TMEM117: variants seen among roughly 807,000 people sequenced by gnomAD.
The protein encoded by TMEM117 is transmembrane protein 117.
Under a neutral mutation model 52.4 loss-of-function variants are expected in TMEM117, and 27 were observed. The ratio of observed to expected loss-of-function variants is 0.51; its 90% confidence interval spans 0.38 to 0.71. The LOEUF (loss-of-function observed/expected upper bound fraction) is 0.71. TMEM117 is among the 30% of genes least tolerant of loss of function. The pLI, the probability that TMEM117 is intolerant of heterozygous loss-of-function variation, is 0.00. For synonymous variants in TMEM117, 215 were observed against 206.3 expected, an observed-to-expected ratio of 1.04 and a Z score of -0.36; for missense variants, 556 against 630.5, an observed-to-expected ratio of 0.88 and a Z score of 1.26.
At chr12:43,921,440 T>C (rs1944692754) in intron 2 of TMEM117, among the ~76,000 whole-genome samples, 1 of 152,188 alleles carries the variant, frequency 6.6e-6, no homozygotes, top group Non-Finnish European at 1.5e-5. Flanking sequence ...ATATCCCACT[T>C]GCTAGCTGTA....
At chr12:44,202,344 G>A (rs904091563) in intron 4 of TMEM117, among the ~76,000 whole-genome samples, 32 of 152,112 alleles carry the variant, frequency 2.1e-4, no homozygotes, top group African/African-American at 7.7e-4. Context: ...TTTTTAACGT[G>A]AAGCCATGTT....
intron 4 of TMEM117, among the ~76,000 whole-genome samples, chr12:44,201,777 C>G (rs796821242): frequency 6.6e-6 from 1 of 152,074 alleles, no homozygotes. Context: ...TAGGCTATAT[C>G]GTTGTCTTGC....
chr12:43,936,682 G>A (rs1194809297), intron 2 of TMEM117, among the ~76,000 whole-genome samples: 1 of 152,196 alleles, frequency 6.6e-6, no homozygotes, highest in Non-Finnish European at 1.5e-5. Flanking sequence ...ACCCAAGGAA[G>A]TAGTATCAAA....
chr12:43,947,553 G>A (rs1052719773), intron 3 of TMEM117, among the ~76,000 whole-genome samples: 1 of 152,138 alleles, frequency 6.6e-6, no homozygotes, highest in African/African-American at 2.4e-5. Context: ...GTAGCACAGG[G>A]AATGATGGAG....
At position 43,863,473 on chromosome 12, in the gene TMEM117, C is replaced by T. The variant is rs568559947; in HGVS notation, c.277+18545C>T. Among the ~76,000 whole-genome samples the T allele has an allele frequency of 3.6e-4, 55 of 152,212 alleles. 1 individual carries two copies. Among genetic ancestry groups the T allele is most frequent in the African/African-American group, 1.1e-3 (44 of 41,504 alleles). ...ACTCTTTGAAAAGATCAGACTATTA[C>T]GCATGGGGCATCTCTGACTCTAGAA... is the stretch of plus-strand genomic sequence containing the variant. On this transcript the variant is annotated intron_variant, in intron 2 of 7. Coordinates refer to ENST00000266534, the MANE Select transcript of TMEM117 (RefSeq NM_032256.3).
At chr12:44,137,568 G>T (rs1215115775) in intron 3 of TMEM117, among the ~76,000 whole-genome samples, 1 of 152,130 alleles carries the variant, frequency 6.6e-6, no homozygotes, top group East Asian at 1.9e-4. Context: ...AGAAACAGAG[G>T]TTTAATGGAC....
chr12:44,041,931 A>G lies in TMEM117; in HGVS notation c.410+97589A>G, dbSNP rs114822807. Reference sequence around the variant, plus strand: ...GCTGGAAGCATTTTCCTTGAGAACCAGAGCAAGACAGGGATACTCACTCTC... The same window carrying G: ...GCTGGAAGCATTTTCCTTGAGAACCGGAGCAAGACAGGGATACTCACTCTC... On this transcript the variant is annotated intron_variant, in intron 3 of 7. Transcript: ENST00000266534. 7.0e-3 allele frequency among the ~76,000 whole-genome samples: 1,072 copies of G among 152,324 alleles called. 11 individuals are homozygous for G. The highest frequency in any genetic ancestry group is 0.024 in the African/African-American group (996 of 41,568).
At chr12:44,152,326 T>G (rs1948747945) in intron 4 of TMEM117, among the ~76,000 whole-genome samples, 1 of 105,128 alleles carries the variant, frequency 9.5e-6, no homozygotes, top group Non-Finnish European at 1.7e-5. Context: ...ATCATATAAA[T>G]ATATATATTA....
At chr12:43,933,128 A>G (rs1372891753) in intron 2 of TMEM117, among the ~76,000 whole-genome samples, 1 of 152,192 alleles carries the variant, frequency 6.6e-6, no homozygotes, top group Non-Finnish European at 1.5e-5. Flanking sequence ...AAAATCGTTA[A>G]GTATTCTTGT....
At chr12:43,981,210 T>C (rs1945754991) in intron 3 of TMEM117, among the ~76,000 whole-genome samples, 1 of 152,216 alleles carries the variant, frequency 6.6e-6, no homozygotes, top group South Asian at 2.1e-4. Context: ...TCTATATTCT[T>C]GAAGGTTCAT....
intron 3 of TMEM117, among the ~76,000 whole-genome samples, chr12:43,949,980 T>A (rs1025121748): frequency 6.6e-5 from 10 of 152,190 alleles, no homozygotes; most frequent in African/African-American, 2.4e-4. Flanking sequence ...CCCAAATAAC[T>A]TGAATTCCTG....
chr12:44,148,772 G>A (rs1948681255), intron 4 of TMEM117, among the ~76,000 whole-genome samples: 1 of 152,028 alleles, frequency 6.6e-6, no homozygotes, highest in Admixed American at 6.6e-5. Context: ...ACAGAACCAG[G>A]TATAAAATAG....
intron 4 of TMEM117, among the ~76,000 whole-genome samples, chr12:44,192,252 G>C (rs1949364939): frequency 1.3e-5 from 2 of 152,158 alleles, no homozygotes; most frequent in Admixed American, 6.6e-5. Flanking sequence ...CCCAGAACCC[G>C]AGGTCCTCTG....
chr12:43,854,808 T>C (rs1242697118), intron 2 of TMEM117, among the ~76,000 whole-genome samples: 1 of 152,058 alleles, frequency 6.6e-6, no homozygotes, highest in Non-Finnish European at 1.5e-5. Flanking sequence ...GGCTAATTTT[T>C]GTATTTTTAG....
At chr12:43,946,784 T>C (rs1053571655) in intron 3 of TMEM117, among the ~76,000 whole-genome samples, 22 of 152,294 alleles carry the variant, frequency 1.4e-4, no homozygotes, top group African/African-American at 5.1e-4. Flanking sequence ...AATTTGACAA[T>C]GAAAGAAGCA....
chr12:44,235,868 G>C (rs1949989321), intron 5 of TMEM117, among the ~76,000 whole-genome samples: 1 of 151,772 alleles, frequency 6.6e-6, no homozygotes, highest in African/African-American at 2.4e-5. Context: ...ATATTTTGCT[G>C]ACTATAGTAT....
intron 3 of TMEM117, among the ~76,000 whole-genome samples, chr12:44,114,381 C>T (rs1369771175): frequency 6.6e-6 from 1 of 152,076 alleles, no homozygotes; most frequent in Non-Finnish European, 1.5e-5. Context: ...ACTAGATATA[C>T]AGTAAAATTA....
At chr12:44,330,305 T>C (rs1249828073) in intron 6 of TMEM117, among the ~76,000 whole-genome samples, 6 of 152,004 alleles carry the variant, frequency 3.9e-5, no homozygotes, top group African/African-American at 1.4e-4. Flanking sequence ...ATTTCTAAGT[T>C]ATTTGGGGCT....
At chr12:44,290,646 T>TA (rs1444761187) in intron 5 of TMEM117, among the ~76,000 whole-genome samples, 1 of 152,180 alleles carries the variant, frequency 6.6e-6, no homozygotes, top group African/African-American at 2.4e-5. Flanking sequence ...TGTTCTTTTT[T>TA]ATTTTTTAAG....
Sources: allele counts gnomAD v4.1 joint callset (sites outside exome capture counted in the v4.1 genomes callset), GRCh38; gene constraint gnomAD v4.1.1; transcripts MANE v1.5; gene names NCBI Gene and HGNC (gene_info 2026-07-23, HGNC 2026-07-21).